Variants in GLIS3 observed in about 807,000 individuals in gnomAD.
GLIS3 encodes the protein GLIS family zinc finger 3.
GLIS3 carries 53 observed loss-of-function variants against 78.6 expected under a neutral mutation model. The observed-to-expected ratio is 0.67, with a 90% CI of 0.54 to 0.85. GLIS3 has a LOEUF of 0.85. Ranked by LOEUF, GLIS3 falls within the 40% of genes least tolerant of loss-of-function variation. GLIS3 has a pLI of 0.00. For synonymous variants in GLIS3, 684 were observed against 509.9 expected, an observed-to-expected ratio of 1.34 and a Z score of -4.60; for missense variants, 1,703 against 1,231.1, an observed-to-expected ratio of 1.38 and a Z score of -5.74.
intron 4 of GLIS3, among the ~76,000 whole-genome samples, chr9:4,113,920 T>C (rs1326570960): frequency 1.3e-5 from 2 of 152,202 alleles, no homozygotes; most frequent in African/African-American, 4.8e-5. Flanking sequence ...GTCAGTGACA[T>C]TTTCATGAAA....
intron 4 of GLIS3, among the ~76,000 whole-genome samples, chr9:3,964,100 C>CA (rs1817757384): frequency 1.3e-5 from 2 of 151,972 alleles, no homozygotes; most frequent in African/African-American, 4.8e-5. Flanking sequence ...TGCTGGGCTG[C>CA]AAAGTATCAT....
At chr9:4,180,477 T>C (rs1448539871) in intron 2 of GLIS3, among the ~76,000 whole-genome samples, 4 of 152,158 alleles carry the variant, frequency 2.6e-5, no homozygotes, top group East Asian at 3.9e-4. Context: ...TTTACGGCTA[T>C]TTTGGGATTA....
At chr9:4,191,614 G>A (rs1818338945) in intron 2 of GLIS3, among the ~76,000 whole-genome samples, 1 of 152,012 alleles carries the variant, frequency 6.6e-6, no homozygotes, top group Non-Finnish European at 1.5e-5. Context: ...ACTTCATTTT[G>A]TTTTTCCAAC....
At chr9:4,106,866 C>T (rs2064986) in intron 4 of GLIS3, among the ~76,000 whole-genome samples, 113,853 of 152,050 alleles carry the variant, frequency 0.75, 44,945 homozygotes, top group East Asian at 0.96. Flanking sequence ...CACACACTCA[C>T]GGCTTAGAAA....
chr9:4,397,016 CT>C, the GLIS3 span, among the ~76,000 whole-genome samples: 3 of 133,352 alleles, frequency 2.2e-5, no homozygotes, highest in Admixed American at 7.4e-5. Flanking sequence ...ATCCTTTTTT[CT>C]TTTTTTCTTT....
At chr9:4,421,083 A>G in the GLIS3 span, among the ~76,000 whole-genome samples, 5 of 152,260 alleles carry the variant, frequency 3.3e-5, no homozygotes, top group African/African-American at 4.8e-5. Flanking sequence ...CATCTTCACC[A>G]GCACTGAGTT....
At chr9:4,075,643 TA>T (rs1564015723) in intron 4 of GLIS3, among the ~76,000 whole-genome samples, 1 of 151,880 alleles carries the variant, frequency 6.6e-6, no homozygotes, top group South Asian at 2.1e-4. Context: ...ACATAGGTGC[TA>T]AAAAGAGTTT....
intron 2 of GLIS3, among the ~76,000 whole-genome samples, chr9:4,128,676 A>C (rs1265290465): frequency 6.6e-6 from 1 of 152,196 alleles, no homozygotes; most frequent in South Asian, 2.1e-4. Context: ...TCTGAATGGA[A>C]TATGAAGTCA....
At chr9:4,167,710 A>T (rs1815993354) in intron 2 of GLIS3, among the ~76,000 whole-genome samples, 1 of 152,216 alleles carries the variant, frequency 6.6e-6, no homozygotes, top group Non-Finnish European at 1.5e-5. Flanking sequence ...GCCTGATACC[A>T]CAGCTCACTC....
chr9:4,298,142 T>TGCGGCTGGGAAGCCCGGGCGCC (rs1193608219), intron 1 of GLIS3, among the ~76,000 whole-genome samples: 15 of 152,160 alleles, frequency 9.9e-5, no homozygotes, highest in African/African-American at 3.6e-4. Flanking sequence ...GAAAGGGTGC[T>TGCGGCTGGGAAGCCCGGGCGCC]GCGGCTGGGA....
the GLIS3 span, among the ~76,000 whole-genome samples, chr9:4,469,147 A>G: frequency 2.6e-5 from 4 of 152,218 alleles, no homozygotes; most frequent in Admixed American, 2.0e-4. Flanking sequence ...AAGTCCTTAG[A>G]GACCTAGAAA....
chr9:4,383,616 GA>G, the GLIS3 span, among the ~76,000 whole-genome samples: 129,282 of 152,112 alleles, frequency 0.85, 55,311 homozygotes, highest in Non-Finnish European at 0.9. Context: ...TCTGGATGCA[GA>G]AAAAAATCTA....
chr9:3,917,405 T>A (rs546815738), intron 6 of GLIS3, among the ~76,000 whole-genome samples: 57 of 152,322 alleles, frequency 3.7e-4, no homozygotes, highest in African/African-American at 1.3e-3. Flanking sequence ...ACAACTCCAT[T>A]TGAATTGTTC....
chr9:4,465,796 G>A, the GLIS3 span, among the ~76,000 whole-genome samples: 4 of 152,050 alleles, frequency 2.6e-5, no homozygotes, highest in Admixed American at 1.3e-4. Context: ...TTCTGCCTCT[G>A]GCTCTAACTA....
At chr9:4,399,336 G>A in the GLIS3 span, among the ~76,000 whole-genome samples, 3 of 152,224 alleles carry the variant, frequency 2.0e-5, no homozygotes, top group African/African-American at 7.2e-5. Context: ...CCTCTTCTGA[G>A]TATTCTAATA....
intron 4 of GLIS3, among the ~76,000 whole-genome samples, chr9:4,080,054 A>G (rs1828420946): frequency 1.3e-5 from 2 of 152,234 alleles, no homozygotes; most frequent in South Asian, 2.1e-4. Flanking sequence ...TGCTATTGTA[A>G]AAGTGTTTGT....
intron 6 of GLIS3, among the ~76,000 whole-genome samples, chr9:3,926,083 G>A (rs748012407): frequency 1.3e-5 from 2 of 152,158 alleles, no homozygotes; most frequent in East Asian, 1.9e-4. Context: ...TGCCATCTCC[G>A]TTAAGGAGGA....
At chr9:4,306,447 A>C (rs942645995) in intron 4 of GLIS3, among the ~76,000 whole-genome samples, 8 of 152,234 alleles carry the variant, frequency 5.3e-5, no homozygotes, top group Non-Finnish European at 8.8e-5. Flanking sequence ...CAGATAGAGT[A>C]GTTTATCCAT....
chr9:4,345,300 T>A (rs562403484), intron 2 of GLIS3, among the ~76,000 whole-genome samples: 1 of 152,336 alleles, frequency 6.6e-6, no homozygotes, highest in South Asian at 2.1e-4. Flanking sequence ...AAATGCCACC[T>A]TCTCAGTCAG....
Sources: allele counts gnomAD v4.1 joint callset (sites outside exome capture counted in the v4.1 genomes callset), GRCh38; gene constraint gnomAD v4.1.1; transcripts MANE v1.5; gene names NCBI Gene and HGNC (gene_info 2026-07-23, HGNC 2026-07-21).